Variants in DLGAP3 observed in about 807,000 individuals in gnomAD.
DLGAP3 encodes disks large-associated protein 3.
A neutral mutation model predicts 81.2 loss-of-function variants in DLGAP3; 17 were observed. That is an observed-to-expected ratio of 0.21 (90% CI 0.14 to 0.31). The LOEUF (loss-of-function observed/expected upper bound fraction) is 0.31. Among genes scored for constraint, DLGAP3 ranks in the 10% least tolerant of loss-of-function variants. The pLI is 1.00. For synonymous variants in DLGAP3, 577 were observed against 587.4 expected, an observed-to-expected ratio of 0.98 and a Z score of 0.26; for missense variants, 1,124 against 1,388.0, an observed-to-expected ratio of 0.81 and a Z score of 3.02.
At chr1:34,879,049 G>A (rs1239120935) in intron 8 of DLGAP3, among the ~76,000 whole-genome samples, 2 of 150,556 alleles carry the variant, frequency 1.3e-5, no homozygotes, top group African/African-American at 2.5e-5. Context: ...TCCACCCGGG[G>A]CGAGAGCGAG....
intron 2 of DLGAP3, 145 bp from the exon 3 acceptor site, chr1:34,905,579 A>G (rs770224652): frequency 1.6e-6 from 1 of 634,994 alleles, no homozygotes; most frequent in Non-Finnish European, 2.6e-6. Context: ...AATGGACTAA[A>G]AAGTCCTTTA....
At chr1:34,910,031 G>T (rs552472637) in intron 1 of DLGAP3, among the ~76,000 whole-genome samples, 1 of 152,106 alleles carries the variant, frequency 6.6e-6, no homozygotes, top group African/African-American at 2.4e-5. Flanking sequence ...TGACCAAAGG[G>T]GTAGGAATTG....
At position 34,904,623 on chromosome 1, in the gene DLGAP3, T is replaced by A; in HGVS notation, c.761A>T (p.Gln254Leu). The A allele has an allele frequency of 6.2e-7, 1 of 1,614,198 alleles. No individual in the cohort carries two copies. Among genetic ancestry groups the A allele is most frequent in the Non-Finnish European group, 8.5e-7 (1 of 1,180,038 alleles). ...SKDRKGDGRH[Q>L]AKSTGWWSSD... Reference sequence around the variant, plus strand: ...ACTCCACCAGCCTGTGGACTTGGCCTGGTGCCGCCCATCCCCCTTGCGGTC... The same window carrying A: ...ACTCCACCAGCCTGTGGACTTGGCCAGGTGCCGCCCATCCCCCTTGCGGTC... Residue 254 changes from glutamine to leucine, a missense_variant, in exon 3 of 12, where the codon CAG (glutamine) becomes CTG (leucine). Gln to Leu is a moderately radical substitution (Grantham distance 113). Coordinates refer to ENST00000373347, the MANE Select transcript of DLGAP3 (RefSeq NM_001080418.3). The surrounding 1 kb of genome is among the most constrained non-coding windows in gnomAD (Gnocchi z 8.1).
intron 6 of DLGAP3, 100 bp downstream of exon 6, chr1:34,885,972 G>T: frequency 7.7e-7 from 1 of 1,296,594 alleles, no homozygotes. Context: ...GGGAGCGAGC[G>T]ATCTGCGCGG....
chr1:34,904,935 G>A lies in DLGAP3; in HGVS notation c.449C>T (p.Pro150Leu), dbSNP rs1639520539. ...PYQRGPAGAG[P>L]GPAPGTGTAP... ...AGTGCCCGTCCCTGGCGCTGGCCCG[G>A]GCCCTGCCCCTGCTGGCCCTCGCTG... Residue 150 changes from proline to leucine, a missense_variant, in exon 3 of 12, where the codon CCC (proline) becomes CTC (leucine). Physicochemically the swap from Pro to Leu is moderately conservative, Grantham distance 98 (BLOSUM62 -3). This residue lies in a region of DLGAP3 where 65 missense variants were observed against 78.2 expected (regional missense o/e 0.83). Coordinates refer to ENST00000373347, the MANE Select transcript of DLGAP3 (RefSeq NM_001080418.3). The surrounding 1 kb of genome is among the most constrained non-coding windows in gnomAD (Gnocchi z 8.1). 1 of 1,612,642 alleles carries A rather than the reference G, an allele frequency of 6.2e-7. No individual in the cohort carries two copies. Among genetic ancestry groups the A allele is most frequent in the Non-Finnish European group, 8.5e-7 (1 of 1,179,816 alleles).
At chr1:34,908,763 G>C (rs1639595818) in intron 1 of DLGAP3, among the ~76,000 whole-genome samples, 1 of 152,160 alleles carries the variant, frequency 6.6e-6, no homozygotes, top group African/African-American at 2.4e-5. Flanking sequence ...GACATACCCA[G>C]CCCCTGGCCC....
intron 8 of DLGAP3, 65 bp downstream of exon 8, chr1:34,884,913 A>G (rs1639194540): frequency 3.3e-6 from 4 of 1,217,848 alleles, no homozygotes; most frequent in Non-Finnish European, 3.7e-6. Flanking sequence ...GCTAGTGGGG[A>G]CACTATGCAG....
Position 34,904,675 on chromosome 1 carries a change from G to A in DLGAP3, c.709C>T (p.Arg237Trp), listed in dbSNP as rs762679901. The A allele has an allele frequency of 8.1e-6, 13 of 1,613,952 alleles. No homozygotes were observed. Among genetic ancestry groups the A allele is most frequent in the Admixed American group, 1.7e-5 (1 of 60,006 alleles). Residue 237 changes from arginine (R) to tryptophan (W), a missense_variant, in exon 3 of 12, where the codon CGG becomes TGG. Physicochemically the swap from Arg to Trp is moderately radical, Grantham distance 101 (BLOSUM62 -3). Around this residue, in one of 9 missense-constraint regions of DLGAP3, gnomAD observed 357 missense variants for 408.8 expected, o/e 0.87. Coordinates refer to ENST00000373347, the MANE Select transcript of DLGAP3 (RefSeq NM_001080418.3). The surrounding 1 kb of genome is among the most constrained non-coding windows in gnomAD (Gnocchi z 8.1). ...HHHHHHHHQS[R>W]HGKRSKSKDR... ...TTGCTCTTGCTCCTCTTGCCGTGCC[G>A]GGACTGGTGGTGGTGGTGATGGTGG...
intron 5 of DLGAP3, among the ~76,000 whole-genome samples, chr1:34,891,363 A>G (rs1639309651): frequency 6.6e-6 from 1 of 152,228 alleles, no homozygotes; most frequent in South Asian, 2.1e-4. Context: ...TATCAAGAAC[A>G]GGAAAGGCCA....
At chr1:34,918,001 T>C (rs968806666) in intron 1 of DLGAP3, among the ~76,000 whole-genome samples, 2 of 152,046 alleles carry the variant, frequency 1.3e-5, no homozygotes, top group African/African-American at 2.4e-5. Context: ...CCCAGGCCAA[T>C]ATAGCTGAGG....
At chr1:34,916,116 T>A (rs937239744) in intron 1 of DLGAP3, among the ~76,000 whole-genome samples, 2 of 152,110 alleles carry the variant, frequency 1.3e-5, no homozygotes, top group Non-Finnish European at 2.9e-5. Context: ...AACTGAGCCA[T>A]CAAGGAGTGC....
At chr1:34,910,472 C>T (rs971370630) in intron 1 of DLGAP3, among the ~76,000 whole-genome samples, 3 of 152,222 alleles carry the variant, frequency 2.0e-5, no homozygotes, top group South Asian at 4.1e-4. Context: ...AAAATGCCTT[C>T]GCTTGTCCAA....
chr1:34,869,480 ATTTTT>A (rs71029050), intron 8 of DLGAP3, among the ~76,000 whole-genome samples: 2 of 69,280 alleles, frequency 2.9e-5, no homozygotes, highest in Non-Finnish European at 5.7e-5. Context: ...AGATATTTCA[ATTTTT>A]TTTTTTTTTT....
intron 2 of DLGAP3, among the ~76,000 whole-genome samples, chr1:34,906,738 AAC>A (rs1639561296): frequency 6.6e-6 from 1 of 152,182 alleles, no homozygotes; most frequent in Non-Finnish European, 1.5e-5. Flanking sequence ...TCCTCCCAGG[AAC>A]AGAGGGAAGG....
Position 34,869,088 on chromosome 1 carries a change from G to C in DLGAP3, c.2002C>G (p.Arg668Gly). The C allele has an allele frequency of 6.3e-7, 1 of 1,586,974 alleles. No individual in the cohort carries two copies. Among genetic ancestry groups the C allele is most frequent in the African/African-American group, 1.3e-5 (1 of 74,842 alleles). ...CTATTGGAGCGCTTGAACCTTGCTCGCCTGGGGAGAGGGGTGGCTGTCATC... is the reference window on the plus strand; with the variant it reads ...CTATTGGAGCGCTTGAACCTTGCTCCCCTGGGGAGAGGGGTGGCTGTCATC... The part of the protein sequence containing the change: ...IGVQVEEDKR[R>G]ARFKRSNSVT... The change falls in exon 9 of 12, where the codon CGA (arginine) becomes GGA (glycine). Residue 668 changes from arginine to glycine, a missense_variant and splice_region_variant. By Grantham distance (125) the Arg-to-Gly change is moderately radical. Around this residue, in one of 9 missense-constraint regions of DLGAP3, gnomAD observed 379 missense variants for 455.7 expected, o/e 0.83. Transcript: ENST00000373347.
rs12727066 is a variant in DLGAP3, at chr1:34,867,525, T to C, written c.2577+11A>G. On this transcript the variant is annotated intron_variant, in intron 10 of 11. Transcript: ENST00000373347. This position sits in a 1 kb window ranked among gnomAD's most constrained non-coding sequence, Gnocchi z 4.3. ...ATGTATCTGGTAGGATCTACTACTA[T>C]GGGCACTCACCATGCTTTGCTGACA... The C allele has an allele frequency of 0.088, 141,756 of 1,608,888 alleles. 8,412 individuals are homozygous for C. Among genetic ancestry groups the C allele is most frequent in the African/African-American group, 0.29 (21,872 of 74,842 alleles).
In DLGAP3 at chr1:34,886,407, CA is replaced by C. The variant is rs1639230916; in HGVS notation, c.1387-123del. 9 of 937,368 alleles carry C rather than the reference CA, an allele frequency of 9.6e-6. No homozygotes were observed. In the Middle Eastern group the frequency reaches 9.7e-4, roughly 101 times the overall value. 58.1% of individuals were successfully genotyped at this position (937,368 alleles called of 1,614,324 possible). ...GCAGAGGCTGTAGGCGACTCTTCCGCATTTGAACTAAAAGAAACTCTAACTC... is the reference window on the plus strand; with the variant it reads ...GCAGAGGCTGTAGGCGACTCTTCCGCTTTGAACTAAAAGAAACTCTAACTC... On this transcript the variant is annotated intron_variant, in intron 5 of 11. Coordinates refer to ENST00000373347, the MANE Select transcript of DLGAP3 (RefSeq NM_001080418.3).
chr1:34,865,831 G>T lies in DLGAP3; in HGVS notation c.*252C>A. 1.7e-6 allele frequency: 1 copy of T among 604,250 alleles called. No homozygotes were observed. The highest frequency in any genetic ancestry group is 2.9e-6 in the Non-Finnish European group (1 of 340,024). 37.4% of individuals were successfully genotyped at this position (604,250 alleles called of 1,614,324 possible). Reference sequence around the variant, plus strand: ...GGGAGGAGGTGGGGACAAAGCGTCGGACCAGGTGGGCAGGGGATCCAGGTG... The same window carrying T: ...GGGAGGAGGTGGGGACAAAGCGTCGTACCAGGTGGGCAGGGGATCCAGGTG... On this transcript the variant is annotated 3_prime_UTR_variant, in exon 12 of 12. Transcript: ENST00000373347.
intron 11 of DLGAP3, among the ~76,000 whole-genome samples, chr1:34,866,546 A>C (rs1195398582): frequency 2.0e-5 from 3 of 152,134 alleles, no homozygotes; most frequent in Admixed American, 2.0e-4. Flanking sequence ...CGTTCTCAAC[A>C]GCTCGCAGCA....
Sources: allele counts gnomAD v4.1 joint callset (sites outside exome capture counted in the v4.1 genomes callset), GRCh38; gene constraint gnomAD v4.1.1; regional missense constraint gnomAD v4.1.1; non-coding constraint Gnocchi (gnomAD v3.1); transcripts MANE v1.5; gene names NCBI Gene and HGNC (gene_info 2026-07-23, HGNC 2026-07-21).